STAG1: variants seen among roughly 807,000 people sequenced by gnomAD.
STAG1 encodes the protein STAG1 cohesin complex component.
A neutral mutation model predicts 170.9 loss-of-function variants in STAG1; 26 were observed. The observed-to-expected ratio is 0.15, with a 90% confidence interval of 0.11 to 0.21. The LOEUF (loss-of-function observed/expected upper bound fraction) is 0.21. Among genes scored for constraint, STAG1 ranks in the 10% least tolerant of loss-of-function variants. STAG1 has a pLI of 1.00. For missense variants in STAG1, 964 were observed against 1,509.5 expected (o/e 0.64, Z 5.99); for synonymous variants, 514 against 497.7 (o/e 1.03, Z -0.44).
At chr3:136,706,717 C>T (rs2107914363) in intron 1 of STAG1, among the ~76,000 whole-genome samples, 1 of 152,280 alleles carries the variant, frequency 6.6e-6, no homozygotes, top group East Asian at 1.9e-4. Context: ...GTCCAATCCT[C>T]AAACTCATAC....
intron 9 of STAG1, among the ~76,000 whole-genome samples, chr3:136,488,341 T>G (rs543881958): frequency 2.6e-4 from 40 of 152,324 alleles, no homozygotes; most frequent in Non-Finnish European, 5.0e-4. Flanking sequence ...CAGGCTGGTC[T>G]TGAACTCCTG....
At chr3:136,737,442 TA>T (rs1369563219) in intron 1 of STAG1, among the ~76,000 whole-genome samples, 2 of 152,114 alleles carry the variant, frequency 1.3e-5, no homozygotes, top group African/African-American at 4.8e-5. Flanking sequence ...TTCGCCATGT[TA>T]GCCAGACTGG....
chr3:136,579,103 T>G (rs776108752), intron 4 of STAG1, among the ~76,000 whole-genome samples: 1 of 152,212 alleles, frequency 6.6e-6, no homozygotes, highest in Non-Finnish European at 1.5e-5. Flanking sequence ...TAGAGGGATC[T>G]TGAAGAATGA....
chr3:136,551,208 T>TGTGA (rs1936371723), intron 5 of STAG1, among the ~76,000 whole-genome samples: 2 of 44,496 alleles, frequency 4.5e-5, no homozygotes, highest in Non-Finnish European at 7.3e-5. Flanking sequence ...TGAGAGAGAG[T>TGTGA]GAGAGAGAGA....
At chr3:136,608,897 A>G (rs1488059425) in intron 3 of STAG1, among the ~76,000 whole-genome samples, 1 of 151,996 alleles carries the variant, frequency 6.6e-6, no homozygotes, top group East Asian at 1.9e-4. Context: ...AACATAAAAT[A>G]CACCTCCCAT....
Position 136,644,503 on chromosome 3 carries a change from G to A in STAG1, c.-83-13522C>T, listed in dbSNP as rs1576707619. On this transcript the variant is annotated intron_variant, in intron 1 of 33. Coordinates refer to ENST00000383202, the MANE Select transcript of STAG1 (RefSeq NM_005862.3). ...CACTGACAAGCTCACTCTCATCAATGAGATATAAAAAACCCACGGAATTAG... is the reference window on the plus strand; with the variant it reads ...CACTGACAAGCTCACTCTCATCAATAAGATATAAAAAACCCACGGAATTAG... Among the ~76,000 whole-genome samples the A allele has an allele frequency of 2.0e-5, 3 of 152,072 alleles. No individual in the cohort carries two copies. In the South Asian group the frequency reaches 6.2e-4, roughly 32 times the overall value.
intron 21 of STAG1, among the ~76,000 whole-genome samples, chr3:136,413,950 T>C (rs2087702355): frequency 6.6e-6 from 1 of 152,210 alleles, no homozygotes; most frequent in Non-Finnish European, 1.5e-5. Flanking sequence ...TCGCAGTGCA[T>C]ATAAAAGTGT....
chr3:136,475,579 A>C (rs945505211), intron 10 of STAG1, among the ~76,000 whole-genome samples: 2 of 152,112 alleles, frequency 1.3e-5, no homozygotes, highest in African/African-American at 4.8e-5. Flanking sequence ...GACTTCAATA[A>C]TGGGATTCTG....
intron 13 of STAG1, among the ~76,000 whole-genome samples, chr3:136,460,503 G>C (rs974862499): frequency 6.6e-6 from 1 of 152,138 alleles, no homozygotes; most frequent in Admixed American, 6.5e-5. Context: ...TCGAGAGGCT[G>C]AGGCAGTAGA....
intron 5 of STAG1, among the ~76,000 whole-genome samples, chr3:136,545,197 C>G (rs1442351470): frequency 6.6e-6 from 1 of 151,954 alleles, no homozygotes; most frequent in Non-Finnish European, 1.5e-5. Context: ...TACAGGCACA[C>G]GTCACCACGT....
chr3:136,595,307 G>A (rs998618321), intron 4 of STAG1, among the ~76,000 whole-genome samples: 18 of 152,038 alleles, frequency 1.2e-4, no homozygotes, highest in Non-Finnish European at 2.9e-5. Flanking sequence ...TTCAGTGAAC[G>A]CTACCAAGTC....
intron 6 of STAG1, among the ~76,000 whole-genome samples, chr3:136,531,490 G>A (rs1449497013): frequency 6.7e-6 from 1 of 149,028 alleles, no homozygotes; most frequent in African/African-American, 2.5e-5. Context: ...ATTCACAATA[G>A]CAAAGACTTG....
intron 1 of STAG1, among the ~76,000 whole-genome samples, chr3:136,638,982 A>T (rs1191649195): frequency 6.6e-6 from 1 of 152,062 alleles, no homozygotes; most frequent in Non-Finnish European, 1.5e-5. Context: ...ACAGTCTTTA[A>T]AACAGCTAAC....
At chr3:136,408,615 T>A (rs2087546924) in intron 21 of STAG1, among the ~76,000 whole-genome samples, 1 of 152,022 alleles carries the variant, frequency 6.6e-6, no homozygotes, top group Non-Finnish European at 1.5e-5. Flanking sequence ...AAGGTAGAAT[T>A]TATAAAAAAC....
chr3:136,473,814 A>G lies in STAG1; in HGVS notation c.1027-177T>C, dbSNP rs566238231. ...GTTGCCCTTATATGTAAAAAAAAAA[A>G]AAAATTCACTGAAAAGACCTTAGTT... is the stretch of plus-strand genomic sequence containing the variant. On this transcript the variant is annotated intron_variant, in intron 10 of 33. Transcript: ENST00000383202. Among the ~76,000 whole-genome samples the G allele has an allele frequency of 9.2e-5, 14 of 152,276 alleles. No individual in the cohort carries two copies. In the South Asian group the frequency reaches 2.9e-3, roughly 32 times the overall value.
At chr3:136,684,385 G>C (rs1942438328) in intron 1 of STAG1, among the ~76,000 whole-genome samples, 1 of 152,180 alleles carries the variant, frequency 6.6e-6, no homozygotes, top group African/African-American at 2.4e-5. Context: ...CACAAATACA[G>C]TCAACTGATC....
At chr3:136,522,286 A>C (rs1472018125) in intron 6 of STAG1, among the ~76,000 whole-genome samples, 2 of 152,336 alleles carry the variant, frequency 1.3e-5, no homozygotes, top group Non-Finnish European at 2.9e-5. Flanking sequence ...GATATACAGA[A>C]CACCAGATCC....
chr3:136,743,902 A>C (rs1371260205), intron 1 of STAG1, among the ~76,000 whole-genome samples: 2 of 152,248 alleles, frequency 1.3e-5, no homozygotes, highest in Non-Finnish European at 2.9e-5. Context: ...CAGTAACCAA[A>C]ATTATTTTAA....
intron 1 of STAG1, among the ~76,000 whole-genome samples, chr3:136,695,780 G>C (rs934102138): frequency 6.6e-6 from 1 of 151,726 alleles, no homozygotes; most frequent in African/African-American, 2.4e-5. Context: ...ACAAGAAATG[G>C]GAGTTCAATC....
Sources: gnomAD v4.1 joint callset for allele counts (sites outside exome capture counted in the v4.1 genomes callset) on GRCh38, gnomAD v4.1.1 for gene constraint, MANE v1.5 for transcripts, NCBI Gene and HGNC (gene_info 2026-07-23, HGNC 2026-07-21) for gene names.